LIG1: variants seen among roughly 807,000 people sequenced by gnomAD.
LIG1 encodes DNA ligase 1, also known as ligase I, DNA, ATP-dependent.
In LIG1, 70 loss-of-function variants were observed where a neutral mutation model predicts 115.7. That is an observed-to-expected ratio of 0.60 (90% confidence interval 0.50 to 0.74). LIG1 has a LOEUF of 0.74. Ranked by LOEUF, LIG1 falls within the 30% of genes least tolerant of loss-of-function variation. LIG1 has a pLI of 0.00. For synonymous variants in LIG1, 487 were observed against 495.3 expected, an observed-to-expected ratio of 0.98 and a Z score of 0.22; for missense variants, 1,115 against 1,225.6, an observed-to-expected ratio of 0.91 and a Z score of 1.35.
At chr19:48,120,907 TTCTTA>T (rs2033218088) in intron 24 of LIG1, 2 of 1,292,022 alleles carry the variant, frequency 1.5e-6, no homozygotes, top group Admixed American at 3.8e-5. Flanking sequence ...AAAAATTCTT[TTCTTA>T]TGTGAGCCAC....
At chr19:48,121,146 C>G in intron 24 of LIG1, 24 bp downstream of exon 24, 2 of 1,614,064 alleles carry the variant, frequency 1.2e-6, no homozygotes, top group South Asian at 2.2e-5. Flanking sequence ...CCTGCTTCTG[C>G]CATCAGCCCC....
rs1203053790 is a variant in LIG1 at position 48,156,999 on chromosome 19, C to G, written c.370+15G>C. 2 of 1,335,006 alleles carry G rather than the reference C, an allele frequency of 1.5e-6. No homozygotes were observed. The highest frequency in any genetic ancestry group is 2.1e-6 in the Non-Finnish European group (2 of 945,116). The allele number at this position is 1,335,006 out of a possible 1,614,324, so 82.7% of individuals were successfully genotyped here. A position where few individuals can be genotyped will look rare whatever the true frequency, so the allele number is the denominator to read the frequency against. ...AGGCAGGCGACTGAAGGGGCAGGGG[C>G]CCGTGTGTTCTCACCTGTGCGACGC... On this transcript the variant is annotated intron_variant, in intron 5 of 27. Coordinates refer to ENST00000263274, the MANE Select transcript of LIG1 (RefSeq NM_000234.3).
chr19:48,150,930 G>A (rs2035431813), intron 7 of LIG1, among the ~76,000 whole-genome samples: 1 of 151,770 alleles, frequency 6.6e-6, no homozygotes, highest in Non-Finnish European at 1.5e-5. Flanking sequence ...TGAACTCCTG[G>A]GCTCAAGTAG....
rs1417374560 is a variant in LIG1, at chr19:48,122,694, G to A, written c.2232+240C>T. On this transcript the variant is annotated intron_variant, in intron 23 of 27. Transcript: ENST00000263274. The surrounding 1 kb of genome is among the most constrained non-coding windows in gnomAD (Gnocchi z 4.3). ...GCTCAGGAGAGAGACACCTCATCAC[G>A]CTGCACCTCGTGGGATGTGCGGTGC... is the stretch of plus-strand genomic sequence containing the variant. Among the ~76,000 whole-genome samples the A allele has an allele frequency of 1.3e-5, 2 of 152,174 alleles. No individual in the cohort carries two copies. The highest frequency in any genetic ancestry group is 2.4e-5 in the African/African-American group (1 of 41,436).
At chr19:48,134,089 G>A (rs2034224757) in intron 16 of LIG1, 23 bp from the exon 17 acceptor site, 2 of 1,543,686 alleles carry the variant, frequency 1.3e-6, no homozygotes, top group Admixed American at 3.9e-5. Context: ...GTGAGAACAA[G>A]ATAGGGGAAG....
intron 19 of LIG1, among the ~76,000 whole-genome samples, chr19:48,129,250 C>T (rs1311764764): frequency 6.6e-6 from 1 of 152,074 alleles, no homozygotes; most frequent in Admixed American, 6.6e-5. Flanking sequence ...AGGGTTTCAC[C>T]ATGTTGGCCA....
Position 48,161,372 on chromosome 19 carries a change from C to A in LIG1, c.243G>T (p.Gln81His). The change falls in exon 4 of 28, where the codon CAG becomes CAT. Residue 81 changes from glutamine to histidine, a missense_variant and splice_region_variant. Physicochemically the swap from Gln to His is conservative, Grantham distance 24 (BLOSUM62 0). Coordinates refer to ENST00000263274, the MANE Select transcript of LIG1 (RefSeq NM_000234.3). ...AATGGGCAGGGTGATGGGGACCTAC[C>A]TGGCCTTTAGCAGGGCTAAGGGCTT... ...EDEALSPAKG[Q>H]KPALDCSQVS... 6.2e-7 allele frequency: 1 copy of A among 1,614,182 alleles called. No homozygotes were observed. The highest frequency in any genetic ancestry group is 1.6e-4 in the Middle Eastern group (1 of 6,062).
chr19:48,120,367 T>G, intron 24 of LIG1: 1 of 985,188 alleles, frequency 1.0e-6, no homozygotes. Context: ...AAATTACTCA[T>G]AGAGAAGGAT....
In LIG1 at chr19:48,156,961, A is replaced by AAG. The variant is rs1568544704; in HGVS notation, c.370+51_370+52dup. ...CTCAAAAAAAAAAAAAAAAAAAAAA[A>AAG]AGAGAAAAAGAAAGGCAGGCGACTG... is the stretch of plus-strand genomic sequence containing the variant. On this transcript the variant is annotated intron_variant, in intron 5 of 27. Transcript: ENST00000263274. 134 of 1,337,280 alleles carry AAG rather than the reference A, an allele frequency of 1.0e-4. 4 individuals carry two copies. In the African/African-American group the frequency reaches 1.6e-3, roughly 16 times the overall value. The allele number at this position is 1,337,280 out of a possible 1,614,324, so 82.8% of individuals were successfully genotyped here. A position where few individuals can be genotyped will look rare whatever the true frequency, so the allele number is the denominator to read the frequency against.
chr19:48,157,779 TC>T (rs2035943152), intron 4 of LIG1, among the ~76,000 whole-genome samples: 1 of 152,176 alleles, frequency 6.6e-6, no homozygotes, highest in African/African-American at 2.4e-5. Context: ...ACTCCTGAGC[TC>T]AAGCGATCCT....
rs570054525 is a variant in LIG1, at chr19:48,153,082, C to T, written c.466+790G>A. ...CGTGGTGGTGTGTCTGTAATCCCAG[C>T]TACTCGGGAAGCTGAGGTGGGAGAA... is the stretch of plus-strand genomic sequence containing the variant. On this transcript the variant is annotated intron_variant, in intron 6 of 27. Transcript: ENST00000263274. 9.9e-5 allele frequency among the ~76,000 whole-genome samples: 15 copies of T among 151,160 alleles called. No homozygotes were observed. In the South Asian group the frequency reaches 3.1e-3, roughly 32 times the overall value.
intron 8 of LIG1, 66 bp from the exon 9 acceptor site, chr19:48,149,907 C>T: frequency 1.3e-6 from 2 of 1,559,938 alleles, no homozygotes; most frequent in Non-Finnish European, 8.8e-7. Flanking sequence ...CCCATCCATT[C>T]TGCACCCAGC....
At position 48,115,967 on chromosome 19, in the gene LIG1, T is replaced by C. The variant is rs1239786990; in HGVS notation, c.2584-2A>G. 10 of 1,612,574 alleles carry C rather than the reference T, an allele frequency of 6.2e-6. No individual in the cohort carries two copies. Among genetic ancestry groups the C allele is most frequent in the African/African-American group, 1.3e-5 (1 of 75,022 alleles). On this transcript the variant is annotated splice_acceptor_variant, in intron 26 of 27. Transcript: ENST00000263274. LOFTEE classifies it high-confidence loss of function. ...GGAGATGCCCTTGTCACTATCCACCTGCGGAAGCGGGATGGAGACTCCTGC... is the reference window on the plus strand; with the variant it reads ...GGAGATGCCCTTGTCACTATCCACCCGCGGAAGCGGGATGGAGACTCCTGC...
In LIG1 at chr19:48,137,849, G is replaced by T. The variant is rs1599790507; in HGVS notation, c.1088-161C>A. The T allele has an allele frequency of 2.3e-6, 2 of 888,646 alleles. No individual in the cohort carries two copies. Among genetic ancestry groups the T allele is most frequent in the Middle Eastern group, 2.2e-4 (1 of 4,544 alleles). The allele number at this position is 888,646 out of a possible 1,614,324, so 55.0% of individuals were successfully genotyped here. On this transcript the variant is annotated intron_variant, in intron 12 of 27. Transcript: ENST00000263274. The surrounding 1 kb of genome is among the most constrained non-coding windows in gnomAD (Gnocchi z 4.3). ...CTCACCCACTTGGTAGAAATGGCTT[G>T]GGGAACGTGCCCCCAGCCACGCTGG...
intron 5 of LIG1, 92 bp downstream of exon 5, chr19:48,156,922 G>C: frequency 8.3e-7 from 1 of 1,203,430 alleles, no homozygotes; most frequent in Non-Finnish European, 1.1e-6. Context: ...CTAGGCAACA[G>C]AGCGAGACTA....
chr19:48,136,935 C>T, intron 14 of LIG1, 73 bp downstream of exon 14: 1 of 1,203,582 alleles, frequency 8.3e-7, no homozygotes, highest in South Asian at 1.3e-5. Flanking sequence ...ATGATTCCAG[C>T]TGCCAGTCCC....
At chr19:48,152,569 T>C (rs951363688) in intron 6 of LIG1, among the ~76,000 whole-genome samples, 2 of 152,346 alleles carry the variant, frequency 1.3e-5, no homozygotes, top group African/African-American at 4.8e-5. Context: ...CAGATCTTTA[T>C]GGCTGTTTTC....
intron 2 of LIG1, among the ~76,000 whole-genome samples, chr19:48,163,307 G>A (rs928194864): frequency 3.3e-5 from 5 of 149,494 alleles, no homozygotes; most frequent in South Asian, 2.1e-4. Flanking sequence ...CTGCAACCTC[G>A]GCCTCCCAGT....
intron 12 of LIG1, among the ~76,000 whole-genome samples, chr19:48,138,986 C>T (rs534496419): frequency 6.6e-6 from 1 of 152,148 alleles, no homozygotes; most frequent in African/African-American, 2.4e-5. Context: ...TCCCTCTGTC[C>T]TCTCATGAAA....
Sources: gnomAD v4.1 joint callset for allele counts (sites outside exome capture counted in the v4.1 genomes callset) on GRCh38, gnomAD v4.1.1 for gene constraint, Gnocchi (gnomAD v3.1) non-coding constraint, MANE v1.5 for transcripts, NCBI Gene and HGNC (gene_info 2026-07-23, HGNC 2026-07-21) for gene names.